STAT3: variants seen among roughly 807,000 people sequenced by gnomAD.
STAT3 encodes the protein DNA-binding protein APRF.
In STAT3, 7 loss-of-function variants were observed where a neutral mutation model predicts 114.3. The observed-to-expected ratio is 0.06, with a 90% CI of 0.03 to 0.11. STAT3 has a LOEUF of 0.11. Ranked by LOEUF, STAT3 falls within the 10% of genes least tolerant of loss-of-function variation. The pLI, the probability that STAT3 is intolerant of heterozygous loss-of-function variation, is 1.00. For missense variants in STAT3, 364 were observed against 960.9 expected (o/e 0.38, Z 8.21); for synonymous variants, 331 against 354.5 (o/e 0.93, Z 0.74).
At chr17:42,374,553 T>C (rs2145295827) in intron 1 of STAT3, among the ~76,000 whole-genome samples, 1 of 143,688 alleles carries the variant, frequency 7.0e-6, no homozygotes, top group South Asian at 2.2e-4. Context: ...GAGGTTGCAG[T>C]GAGCTGAGAT....
intron 1 of STAT3, among the ~76,000 whole-genome samples, chr17:42,362,368 C>T (rs1448332891): frequency 1.3e-5 from 2 of 152,180 alleles, no homozygotes; most frequent in Non-Finnish European, 2.9e-5. Context: ...AGCCAAAATG[C>T]ATAGGGGGCC....
chr17:42,381,364 C>T (rs769795186), intron 1 of STAT3, among the ~76,000 whole-genome samples: 15 of 152,090 alleles, frequency 9.9e-5, no homozygotes, highest in Non-Finnish European at 8.8e-5. Flanking sequence ...AAAGCCGGAT[C>T]GTCGAAGCAT....
chr17:42,380,850 C>A (rs991071840), intron 1 of STAT3, among the ~76,000 whole-genome samples: 1 of 152,144 alleles, frequency 6.6e-6, no homozygotes, highest in African/African-American at 2.4e-5. Flanking sequence ...GAGGTCAAGG[C>A]TGTCATGAGC....
intron 1 of STAT3, 97 bp downstream of exon 1, chr17:42,388,182 C>G: frequency 2.5e-6 from 3 of 1,201,080 alleles, no homozygotes; most frequent in Non-Finnish European, 3.1e-6. Flanking sequence ...ACTGCAGCGT[C>G]CATCACAACA....
chr17:42,347,228 C>G (rs1170133153), intron 2 of STAT3, among the ~76,000 whole-genome samples: 1 of 150,306 alleles, frequency 6.7e-6, no homozygotes, highest in Non-Finnish European at 1.5e-5. Context: ...AACAATTATT[C>G]CAGATATTAT....
intron 1 of STAT3, among the ~76,000 whole-genome samples, chr17:42,375,513 T>C (rs1463608409): frequency 2.0e-5 from 3 of 152,184 alleles, no homozygotes; most frequent in African/African-American, 4.8e-5. Flanking sequence ...CCCCTTTATT[T>C]ATTATTTTTT....
intron 1 of STAT3, among the ~76,000 whole-genome samples, chr17:42,359,608 A>C (rs2083408079): frequency 6.6e-6 from 1 of 152,228 alleles, no homozygotes; most frequent in Admixed American, 6.5e-5. Context: ...CGAAATAAGT[A>C]ATGATTATAG....
At chr17:42,359,938 C>T (rs535196583) in intron 1 of STAT3, among the ~76,000 whole-genome samples, 2 of 151,286 alleles carry the variant, frequency 1.3e-5, no homozygotes, top group Non-Finnish European at 2.9e-5. Context: ...CGGGCACCTG[C>T]AGTCCCAGCT....
chr17:42,344,388 C>T (rs1208862425), intron 4 of STAT3, among the ~76,000 whole-genome samples: 1 of 147,618 alleles, frequency 6.8e-6, no homozygotes, highest in Non-Finnish European at 1.5e-5. Flanking sequence ...CGCCACTGCA[C>T]TCCAGCCTGG....
chr17:42,318,920 C>A (rs2081354692), intron 21 of STAT3, among the ~76,000 whole-genome samples: 1 of 152,162 alleles, frequency 6.6e-6, no homozygotes, highest in Non-Finnish European at 1.5e-5. Flanking sequence ...ACACCCTAGA[C>A]AGAAAAGGAT....
chr17:42,333,577 C>T lies in STAT3; in HGVS notation c.1049+96G>A, dbSNP rs2082110978. 33 of 1,394,012 alleles carry T rather than the reference C, an allele frequency of 2.4e-5. 1 individual carries two copies. In the South Asian group the frequency reaches 3.9e-4, roughly 17 times the overall value. 86.4% of individuals were successfully genotyped at this position (1,394,012 alleles called of 1,614,324 possible). A position where few individuals can be genotyped will look rare whatever the true frequency, so the allele number is the denominator to read the frequency against. ...CAACAGTGTACTGCCTGTGACACCA[C>T]ACCTGGAAAGAATGACCCTGGCCAC... On this transcript the variant is annotated intron_variant, in intron 10 of 23. Transcript: ENST00000264657. The surrounding 1 kb of genome is among the most constrained non-coding windows in gnomAD (Gnocchi z 5.2).
At chr17:42,383,366 CTT>C (rs11408950) in intron 1 of STAT3, among the ~76,000 whole-genome samples, 10 of 143,806 alleles carry the variant, frequency 7.0e-5, no homozygotes, top group Admixed American at 6.9e-5. Context: ...CTGTTTTTGC[CTT>C]TTTTTTTTTT....
At position 42,326,300 on chromosome 17, in the gene STAT3, G is replaced by A. The variant is rs952541771; in HGVS notation, c.1282-101C>T. On this transcript the variant is annotated intron_variant, in intron 14 of 23. Transcript: ENST00000264657. ...AGGCAGGAGGATTGCCTGAGCCCAGGAGTTCGAGACCAGTCTAAGCAGCAC... is the reference window on the plus strand; with the variant it reads ...AGGCAGGAGGATTGCCTGAGCCCAGAAGTTCGAGACCAGTCTAAGCAGCAC... 29 of 1,036,652 alleles carry A rather than the reference G, an allele frequency of 2.8e-5. No individual in the cohort carries two copies. In the African/African-American group the frequency reaches 3.5e-4, roughly 12 times the overall value. 64.2% of individuals were successfully genotyped at this position (1,036,652 alleles called of 1,614,324 possible).
chr17:42,369,270 T>C (rs1050683284), intron 1 of STAT3, among the ~76,000 whole-genome samples: 3 of 152,218 alleles, frequency 2.0e-5, no homozygotes, highest in Admixed American at 6.6e-5. Context: ...AGGCAGAGAA[T>C]TGCTTGAACC....
At chr17:42,325,248 C>T (rs1266128356) in intron 15 of STAT3, 187 bp from the exon 16 acceptor site, 2 of 593,816 alleles carry the variant, frequency 3.4e-6, no homozygotes, top group Non-Finnish European at 6.0e-6. Flanking sequence ...GAATGCCCAG[C>T]GTGGCCACAC....
chr17:42,333,785 G>A lies in STAT3; in HGVS notation c.957-20C>T, dbSNP rs2082119672. On this transcript the variant is annotated intron_variant, in intron 9 of 23. Coordinates refer to ENST00000264657, the MANE Select transcript of STAT3 (RefSeq NM_139276.3). This position sits in a 1 kb window ranked among gnomAD's most constrained non-coding sequence, Gnocchi z 5.2. Reference sequence around the variant, plus strand: ...AAGGCACTGAGGAAAGAGAAGATGGGCTCACGCGCCACGGCCATGACCAGA... The same window carrying A: ...AAGGCACTGAGGAAAGAGAAGATGGACTCACGCGCCACGGCCATGACCAGA... 1 of 1,614,146 alleles carries A rather than the reference G, an allele frequency of 6.2e-7. No individual in the cohort carries two copies. Among genetic ancestry groups the A allele is most frequent in the Non-Finnish European group, 8.5e-7 (1 of 1,180,004 alleles).
At chr17:42,355,827 A>G (rs2083198284) in intron 1 of STAT3, among the ~76,000 whole-genome samples, 1 of 152,252 alleles carries the variant, frequency 6.6e-6, no homozygotes, top group African/African-American at 2.4e-5. Flanking sequence ...ACACAGCTTC[A>G]TAAAACTTTT....
At chr17:42,316,215 G>C (rs1259266643) in intron 23 of STAT3, 1 of 503,388 alleles carries the variant, frequency 2.0e-6, no homozygotes, top group Admixed American at 4.9e-5. Context: ...AATAAAAAAA[G>C]GTCTCAACTT....
intron 1 of STAT3, among the ~76,000 whole-genome samples, chr17:42,363,055 T>C (rs755304673): frequency 3.3e-5 from 5 of 152,210 alleles, no homozygotes; most frequent in Non-Finnish European, 7.3e-5. Flanking sequence ...TAGCGTGTCC[T>C]ACCCTGAACC....
Sources: gnomAD v4.1 joint callset for allele counts (sites outside exome capture counted in the v4.1 genomes callset) on GRCh38, gnomAD v4.1.1 for gene constraint, Gnocchi (gnomAD v3.1) non-coding constraint, MANE v1.5 for transcripts, NCBI Gene and HGNC (gene_info 2026-07-23, HGNC 2026-07-21) for gene names.